ABCA13: variants seen among roughly 807,000 people sequenced by gnomAD.
ABCA13 encodes ATP binding cassette subfamily A member 13, also known as ATP-binding cassette sub-family A member 13.
In ABCA13, 476 loss-of-function variants were observed where a neutral mutation model predicts 478.7. That is an observed-to-expected ratio of 0.99 (90% confidence interval 0.92 to 1.07). The LOEUF is 1.07. Among genes scored for constraint, ABCA13 ranks in the 50% least tolerant of loss-of-function variants. ABCA13 has a pLI of 0.00. For synonymous variants in ABCA13, 2,252 were observed against 2,158.9 expected (o/e 1.04, Z -1.20); for missense variants, 6,060 against 5,910.6 (o/e 1.03, Z -0.83).
In ABCA13 at chr7:48,524,376, A is replaced by ATCGACGCTTTT; in HGVS notation, c.14183_14193dup (p.Gln4732AspfsTer26). On this transcript the variant is annotated frameshift_variant, in exon 54 of 62. Transcript: ENST00000435803. LOFTEE classifies it high-confidence loss of function. ...GTGTTATACAACCTTAGTAAACATT[A>ATCGACGCTTTT]TCGACGCTTTTTCCAGAATATTATT... is the stretch of plus-strand genomic sequence containing the variant. 1 of 1,613,278 alleles carries ATCGACGCTTTT rather than the reference A, an allele frequency of 6.2e-7. No homozygotes were observed. Among genetic ancestry groups the ATCGACGCTTTT allele is most frequent in the Non-Finnish European group, 8.5e-7 (1 of 1,179,556 alleles).
intron 15 of ABCA13, among the ~76,000 whole-genome samples, chr7:48,259,558 C>G (rs888587660): frequency 6.6e-6 from 1 of 151,932 alleles, no homozygotes; most frequent in African/African-American, 2.4e-5. Context: ...CCAACTTCCA[C>G]TTTGTGTCTT....
chr7:48,576,816 T>A (rs1788233255), intron 55 of ABCA13, among the ~76,000 whole-genome samples: 1 of 149,926 alleles, frequency 6.7e-6, no homozygotes, highest in South Asian at 2.2e-4. Context: ...TCAGATAAAC[T>A]CAAACCTCAC....
At chr7:48,611,971 T>G (rs1430898327) in intron 58 of ABCA13, 1 of 152,212 alleles carries the variant, frequency 6.6e-6, no homozygotes, top group Non-Finnish European at 1.5e-5. Flanking sequence ...ATGTATCTCT[T>G]GGACTTCATG....
At chr7:48,500,644 A>G (rs898327757) in intron 48 of ABCA13, among the ~76,000 whole-genome samples, 1 of 152,212 alleles carries the variant, frequency 6.6e-6, no homozygotes, top group Non-Finnish European at 1.5e-5. Flanking sequence ...TTGCAAGATA[A>G]AAATGAAAAG....
intron 27 of ABCA13, among the ~76,000 whole-genome samples, chr7:48,330,505 A>ATCCG (rs1554447478): frequency 6.7e-6 from 1 of 150,038 alleles, no homozygotes; most frequent in Admixed American, 6.6e-5. Context: ...CCATCCATCC[A>ATCCG]TCCATCCATC....
At chr7:48,286,265 A>T (rs141199821) in intron 19 of ABCA13, among the ~76,000 whole-genome samples, 4 of 152,262 alleles carry the variant, frequency 2.6e-5, no homozygotes, top group Non-Finnish European at 4.4e-5. Flanking sequence ...AATGACATAC[A>T]TCCAGTGTTA....
chr7:48,366,865 C>T (rs1811753355), intron 31 of ABCA13, among the ~76,000 whole-genome samples: 1 of 152,128 alleles, frequency 6.6e-6, no homozygotes, highest in South Asian at 2.1e-4. Context: ...CAGAACATAG[C>T]AATCTCTGTG....
chr7:48,525,623 A>C (rs1056304005), intron 54 of ABCA13, among the ~76,000 whole-genome samples: 3 of 145,286 alleles, frequency 2.1e-5, no homozygotes, highest in African/African-American at 7.5e-5. Context: ...AATTAATGCT[A>C]TTAGGCTGAG....
Position 48,383,231 on chromosome 7 carries a change from A to G in ABCA13, c.11336-4591A>G, listed in dbSNP as rs1814665702. Among the ~76,000 whole-genome samples the G allele has an allele frequency of 2.0e-5, 3 of 152,120 alleles. No individual in the cohort carries two copies. The South Asian group carries it at 6.2e-4, about 32-fold the overall frequency. The stretch of plus-strand genomic sequence containing the variant: ...TTAGCTCCATTGCAAGAAACTGGTG[A>G]CTCCTGACATTGTTGCAGTTGTCTA... On this transcript the variant is annotated intron_variant, in intron 35 of 61. Transcript: ENST00000435803.
At chr7:48,381,948 G>C (rs145747885) in intron 35 of ABCA13, among the ~76,000 whole-genome samples, 2 of 152,224 alleles carry the variant, frequency 1.3e-5, no homozygotes, top group Non-Finnish European at 2.9e-5. Flanking sequence ...CGGCTTCCAC[G>C]CCAGCTTGCA....
chr7:48,293,505 A>C (rs977469131), intron 20 of ABCA13, among the ~76,000 whole-genome samples: 1 of 152,234 alleles, frequency 6.6e-6, no homozygotes, highest in Non-Finnish European at 1.5e-5. Flanking sequence ...TATCAGTAAG[A>C]ATATGTTGAT....
chr7:48,241,159 A>C, intron 10 of ABCA13, 93 bp downstream of exon 10: 1 of 1,388,066 alleles, frequency 7.2e-7, no homozygotes, highest in Non-Finnish European at 1.0e-6. Context: ...ACATTCTGTA[A>C]AACTACAGCT....
At chr7:48,616,912 C>T (rs756104242) in intron 59 of ABCA13, among the ~76,000 whole-genome samples, 1 of 152,126 alleles carries the variant, frequency 6.6e-6, no homozygotes, top group South Asian at 2.1e-4. Flanking sequence ...TGGTGGGGTG[C>T]ATCTGTAGTG....
At chr7:48,253,195 G>T (rs1008282595) in intron 15 of ABCA13, among the ~76,000 whole-genome samples, 1 of 152,316 alleles carries the variant, frequency 6.6e-6, no homozygotes, top group Middle Eastern at 3.4e-3. Flanking sequence ...ACTCCCTGCA[G>T]CTCTAACATG....
intron 25 of ABCA13, among the ~76,000 whole-genome samples, 192 bp from the exon 26 acceptor site, chr7:48,314,040 T>C (rs536970843): frequency 2.5e-4 from 38 of 151,988 alleles, no homozygotes; most frequent in African/African-American, 8.2e-4. Context: ...CCAGGTATGT[T>C]GGCCAGAAAA....
rs1819395205 is a variant in ABCA13 at position 48,412,445 on chromosome 7, C to T, written c.12321C>T (p.Ser4107=). Residue 4107 remains serine (S), a synonymous_variant, in exon 41 of 62, where the codon AGC becomes AGT. Transcript: ENST00000435803. The stretch of plus-strand genomic sequence containing the variant: ...TTCCACAAGCATTTCTCAAAGACAG[C>T]AGTGGAAGTGAGCTGACCTACACCA... ...IYIPQAFLKD[S]SGSELTYTIP... 1 of 1,613,274 alleles carries T rather than the reference C, an allele frequency of 6.2e-7. No homozygotes were observed. Among genetic ancestry groups the T allele is most frequent in the Non-Finnish European group, 8.5e-7 (1 of 1,179,776 alleles).
intron 23 of ABCA13, among the ~76,000 whole-genome samples, chr7:48,306,895 A>T (rs1465351428): frequency 6.6e-6 from 1 of 152,232 alleles, no homozygotes; most frequent in Non-Finnish European, 1.5e-5. Context: ...ACTTTGAGTA[A>T]AGAAGATTAC....
Position 48,645,427 on chromosome 7 carries a change from A to G in ABCA13, c.15092A>G (p.Asn5031Ser), listed in dbSNP as rs1216436359. The G allele has an allele frequency of 6.4e-7, 1 of 1,567,244 alleles. No individual in the cohort carries two copies. Among genetic ancestry groups the G allele is most frequent in the Non-Finnish European group, 8.7e-7 (1 of 1,154,714 alleles). ...TATGGTTTTTTTCAGGTATTTATTA[A>G]TTTTGCTTCTGAGCAGCAGCAAACT... ...NQTTLEQVFI[N>S]FASEQQQTLQ... Residue 5031 changes from asparagine to serine, a missense_variant, in exon 62 of 62, where the codon AAT becomes AGT. Physicochemically the swap from Asn to Ser is conservative, Grantham distance 46. Coordinates refer to ENST00000435803, the MANE Select transcript of ABCA13 (RefSeq NM_152701.5).
chr7:48,191,841 A>C (rs1797149243), intron 1 of ABCA13, among the ~76,000 whole-genome samples: 1 of 152,258 alleles, frequency 6.6e-6, no homozygotes, highest in African/African-American at 2.4e-5. Context: ...GGATTACTGC[A>C]ATGGGATATG....
Sources: gnomAD v4.1 joint callset for allele counts (sites outside exome capture counted in the v4.1 genomes callset) on GRCh38, gnomAD v4.1.1 for gene constraint, MANE v1.5 for transcripts, NCBI Gene and HGNC (gene_info 2026-07-23, HGNC 2026-07-21) for gene names.